The following IL12RB2 variants were observed in gnomAD, a reference collection of about 807,000 sequenced individuals.
IL12RB2 encodes interleukin 12 receptor subunit beta 2, also known as interleukin-12 receptor subunit beta-2.
Under a neutral mutation model 89.4 loss-of-function variants are expected in IL12RB2, and 82 were observed. The ratio of observed to expected loss-of-function variants is 0.92; its 90% CI spans 0.77 to 1.10. The LOEUF is 1.10. Ranked by LOEUF, IL12RB2 falls within the 50% of genes least tolerant of loss-of-function variation. IL12RB2 has a pLI of 0.00. For missense variants in IL12RB2, 963 were observed against 1,031.9 expected, an observed-to-expected ratio of 0.93 and a Z score of 0.92; for synonymous variants, 368 against 370.1, an observed-to-expected ratio of 0.99 and a Z score of 0.07.
At chr1:67,353,618 A>C (rs980181213) in intron 10 of IL12RB2, among the ~76,000 whole-genome samples, 1 of 152,310 alleles carries the variant, frequency 6.6e-6, no homozygotes. Context: ...GTATTTTTTG[A>C]AGGGTAAAAT....
At chr1:67,382,155 G>C (rs1339611120) in intron 14 of IL12RB2, among the ~76,000 whole-genome samples, 1 of 152,222 alleles carries the variant, frequency 6.6e-6, no homozygotes, top group African/African-American at 2.4e-5. Context: ...GCCAAGGTGG[G>C]AGGATTGATT....
chr1:67,372,479 A>G lies in IL12RB2; in HGVS notation c.1503A>G (p.Ala501=), dbSNP rs1478254838. Residue 501 remains alanine, a synonymous_variant, in exon 12 of 17, where the codon GCA becomes GCG. Coordinates refer to ENST00000674203, the MANE Select transcript of IL12RB2 (RefSeq NM_001374259.2). ...SYICYEIRVY[A]LSGDQGGCSS... is the part of the protein sequence containing the mutation. ...TCTGTTATGAAATCCGTGTGTATGC[A>G]CTCTCAGGGGATCAAGGAGGATGCA... The G allele has an allele frequency of 6.2e-7, 1 of 1,602,724 alleles. No homozygotes were observed. The highest frequency in any genetic ancestry group is 8.5e-7 in the Non-Finnish European group (1 of 1,169,690).
intron 9 of IL12RB2, among the ~76,000 whole-genome samples, chr1:67,341,537 A>AAAAAAG (rs60473451): frequency 1.7e-4 from 4 of 22,900 alleles, no homozygotes; most frequent in African/African-American, 3.6e-4. Context: ...AAGAGAAAGA[A>AAAAAAG]AGAAAGAAAG....
chr1:67,344,124 C>A (rs1246837704), intron 9 of IL12RB2, among the ~76,000 whole-genome samples: 2 of 151,814 alleles, frequency 1.3e-5, no homozygotes, highest in African/African-American at 4.8e-5. Flanking sequence ...GAGTGGTGGG[C>A]AAGCAGAGAG....
At chr1:67,334,138 T>A (rs772076256) in intron 8 of IL12RB2, among the ~76,000 whole-genome samples, 9 of 152,202 alleles carry the variant, frequency 5.9e-5, no homozygotes, top group Admixed American at 1.3e-4. Flanking sequence ...TCTTCCCACA[T>A]TGAGAAGCTA....
chr1:67,390,297 TAAGAG>T (rs1159641825), intron 16 of IL12RB2, among the ~76,000 whole-genome samples, 169 bp downstream of exon 16: 2 of 152,104 alleles, frequency 1.3e-5, no homozygotes, highest in African/African-American at 4.8e-5. Context: ...TTCCTGAACT[TAAGAG>T]AAACCAGGCA....
rs555200666 is a variant in IL12RB2, at chr1:67,359,603, T to C, written c.1259-8222T>C. ...TGGGAGTCGTGGCATATGCCCTTAA[T>C]CTCAGCTACTCCAGAGGCTGGGACA... On this transcript the variant is annotated intron_variant, in intron 10 of 16. Coordinates refer to ENST00000674203, the MANE Select transcript of IL12RB2 (RefSeq NM_001374259.2). Among the ~76,000 whole-genome samples, 4 of 152,066 alleles carry C rather than the reference T, an allele frequency of 2.6e-5. No homozygotes were observed. The South Asian group carries it at 8.3e-4, about 32-fold the overall frequency.
intron 16 of IL12RB2, among the ~76,000 whole-genome samples, chr1:67,392,780 G>A (rs775696173): frequency 3.3e-5 from 5 of 151,862 alleles, no homozygotes; most frequent in Non-Finnish European, 4.4e-5. Flanking sequence ...GCAGGGGCAC[G>A]CTGCCACGCC....
chr1:67,364,122 G>A (rs989399813), intron 10 of IL12RB2, among the ~76,000 whole-genome samples: 1 of 152,214 alleles, frequency 6.6e-6, no homozygotes. Context: ...CCAGCACAGT[G>A]GCTCACGCCT....
chr1:67,331,062 A>T (rs1241977702), intron 8 of IL12RB2, among the ~76,000 whole-genome samples: 2 of 152,224 alleles, frequency 1.3e-5, no homozygotes, highest in Admixed American at 1.3e-4. Context: ...CATGTTGGTT[A>T]TAATGCTTGG....
chr1:67,379,323 A>G, intron 13 of IL12RB2, among the ~76,000 whole-genome samples: 1 of 151,196 alleles, frequency 6.6e-6, no homozygotes, highest in East Asian at 1.9e-4. Flanking sequence ...CAGCCTGGCC[A>G]ACATGGTGAA....
intron 2 of IL12RB2, among the ~76,000 whole-genome samples, chr1:67,316,631 C>G (rs547773856): frequency 4.6e-5 from 7 of 152,092 alleles, no homozygotes; most frequent in Non-Finnish European, 8.8e-5. Flanking sequence ...CATCACATAC[C>G]ATTCTCCCTG....
chr1:67,318,326 T>C (rs1656050420), intron 2 of IL12RB2, among the ~76,000 whole-genome samples: 1 of 152,094 alleles, frequency 6.6e-6, no homozygotes, highest in South Asian at 2.1e-4. Context: ...CGTTGAAGGG[T>C]TTCCAATAGT....
chr1:67,318,881 A>G (rs1181431971), intron 2 of IL12RB2, among the ~76,000 whole-genome samples: 2 of 152,056 alleles, frequency 1.3e-5, no homozygotes, highest in African/African-American at 2.4e-5. Context: ...CAGAGAAAGT[A>G]GAAATGGAAA....
intron 13 of IL12RB2, among the ~76,000 whole-genome samples, chr1:67,376,813 C>A (rs1664039582): frequency 6.6e-6 from 1 of 152,106 alleles, no homozygotes; most frequent in Non-Finnish European, 1.5e-5. Flanking sequence ...TTAAGGATGC[C>A]CTCACAGAGT....
chr1:67,372,504 A>G lies in IL12RB2; in HGVS notation c.1528A>G (p.Ser510Gly). 9 of 1,605,270 alleles carry G rather than the reference A, an allele frequency of 5.6e-6. No individual in the cohort carries two copies. Among genetic ancestry groups the G allele is most frequent in the Non-Finnish European group, 6.8e-6 (8 of 1,171,864 alleles). ...ACTCTCAGGGGATCAAGGAGGATGC[A>G]GCTCCATCCTGGGTAACTCTAAGCA... ...YALSGDQGGCSSILGNSKHKA... is the reference protein window; with the variant it reads ...YALSGDQGGCGSILGNSKHKA... Residue 510 changes from serine (S) to glycine (G), a missense_variant, in exon 12 of 17, where the codon AGC becomes GGC. Physicochemically the swap from Ser to Gly is moderately conservative, Grantham distance 56. Transcript: ENST00000674203.
chr1:67,375,971 C>T (rs922343703), intron 13 of IL12RB2, among the ~76,000 whole-genome samples: 6 of 151,706 alleles, frequency 4.0e-5, no homozygotes, highest in African/African-American at 9.7e-5. Flanking sequence ...CTCAGCCTCC[C>T]GAGTAACTGG....
chr1:67,320,520 GTGGTAAATGTTC>G, intron 3 of IL12RB2, 76 bp downstream of exon 3: 1 of 1,605,266 alleles, frequency 6.2e-7, no homozygotes, highest in South Asian at 1.1e-5. Context: ...GTATGTATTT[GTGGTAAATGTTC>G]TGGTAGTTGG....
rs375071340 is a variant in IL12RB2 at position 67,330,664 on chromosome 1, A to G, written c.812A>G (p.Asn271Ser). 38 of 1,506,558 alleles carry G rather than the reference A, an allele frequency of 2.5e-5. No individual in the cohort carries two copies. Among genetic ancestry groups the G allele is most frequent in the Non-Finnish European group, 3.4e-5 (37 of 1,082,198 alleles). 93.3% of individuals were successfully genotyped at this position (1,506,558 alleles called of 1,614,324 possible). A position where few individuals can be genotyped will look rare whatever the true frequency, so the allele number is the denominator to read the frequency against. Residue 271 changes from asparagine (N) to serine (S), a missense_variant, in exon 8 of 17, where the codon AAT becomes AGT. Asn to Ser is a conservative substitution (Grantham distance 46). Coordinates refer to ENST00000674203, the MANE Select transcript of IL12RB2 (RefSeq NM_001374259.2). ...PSNSRLWNMV[N>S]VTKAKGRHDL... ...TAAAAAAATGTCTGTTTCAAGGTTA[A>G]TGTTACAAAGGCCAAAGGAAGACAT...
Sources: allele counts gnomAD v4.1 joint callset (sites outside exome capture counted in the v4.1 genomes callset), GRCh38; gene constraint gnomAD v4.1.1; transcripts MANE v1.5; gene names NCBI Gene and HGNC (gene_info 2026-07-23, HGNC 2026-07-21).